The following GARS1 variants were observed in gnomAD, a reference collection of about 807,000 sequenced individuals.
The protein encoded by GARS1 is glycyl-tRNA synthetase 1, also known as glycine--tRNA ligase.
Under a neutral mutation model 86.4 loss-of-function variants are expected in GARS1, and 46 were observed. The ratio of observed to expected loss-of-function variants is 0.53; its 90% CI spans 0.42 to 0.68. The LOEUF (loss-of-function observed/expected upper bound fraction) is 0.68. GARS1 is among the 30% of genes least tolerant of loss of function. The probability of loss-of-function intolerance (pLI) is 0.00; values close to 1 mark genes in which losing one functional copy is unlikely to be tolerated. For synonymous variants in GARS1, 342 were observed against 329.8 expected (o/e 1.04, Z -0.40); for missense variants, 797 against 915.6 (o/e 0.87, Z 1.67).
At chr7:30,615,292 A>G (rs1000850246) in intron 8 of GARS1, among the ~76,000 whole-genome samples, 2 of 152,232 alleles carry the variant, frequency 1.3e-5, no homozygotes, top group Admixed American at 6.5e-5. Context: ...TCAAACTGCT[A>G]TGAAAGCTAA....
chr7:30,594,978 G>A lies in GARS1; in HGVS notation c.57G>A (p.Leu19=). The A allele has an allele frequency of 6.3e-7, 1 of 1,595,084 alleles. No individual in the cohort carries two copies. Among genetic ancestry groups the A allele is most frequent in the South Asian group, 1.1e-5 (1 of 90,142 alleles). The change falls in exon 1 of 17, where the codon CTG becomes CTA. Residue 19 remains leucine, a synonymous_variant. Transcript: ENST00000389266. ...LRGARAALLL[L]LPPRLLARPS... Reference sequence around the variant, plus strand: ...GTGCTCGCGCCGCTCTGCTGCTGCTGCTGCCGCCCCGGCTCTTAGCCCGAC... The same window carrying A: ...GTGCTCGCGCCGCTCTGCTGCTGCTACTGCCGCCCCGGCTCTTAGCCCGAC...
At chr7:30,619,902 C>T (rs1256745153) in intron 10 of GARS1, among the ~76,000 whole-genome samples, 1 of 151,576 alleles carries the variant, frequency 6.6e-6, no homozygotes, top group Admixed American at 6.6e-5. Context: ...CTCGGCCTCC[C>T]AAATAGCTGG....
At chr7:30,615,820 A>T in intron 8 of GARS1, 76 bp from the exon 9 acceptor site, 1 of 1,493,994 alleles carries the variant, frequency 6.7e-7, no homozygotes, top group Non-Finnish European at 9.3e-7. Flanking sequence ...GCAGTTGAAA[A>T]TAGAGGCCTT....
chr7:30,599,879 T>C, intron 2 of GARS1, 68 bp from the exon 3 acceptor site: 1 of 999,838 alleles, frequency 1.0e-6, no homozygotes, highest in Non-Finnish European at 1.6e-6. Flanking sequence ...ATAAACTAAA[T>C]TCAGATATAT....
intron 9 of GARS1, 73 bp from the exon 10 acceptor site, chr7:30,617,041 G>T: frequency 6.8e-7 from 1 of 1,480,784 alleles, no homozygotes; most frequent in Non-Finnish European, 9.4e-7. Flanking sequence ...AATGGAAACC[G>T]ATATCTTGGC....
chr7:30,625,259 T>C (rs1783104426), intron 12 of GARS1, among the ~76,000 whole-genome samples: 1 of 152,192 alleles, frequency 6.6e-6, no homozygotes, highest in Non-Finnish European at 1.5e-5. Flanking sequence ...GCAACTCTTT[T>C]ATAGCTGTTA....
At position 30,613,993 on chromosome 7, in the gene GARS1, G is replaced by A. The variant is rs569222759; in HGVS notation, c.1031+1748G>A. ...TTTGATTGACTTATCTGTCTTCCTA[G>A]CCTGTGTGTATTTTAGTTCTCTACA... On this transcript the variant is annotated intron_variant, in intron 8 of 16. Coordinates refer to ENST00000389266, the MANE Select transcript of GARS1 (RefSeq NM_002047.4). 8.5e-5 allele frequency among the ~76,000 whole-genome samples: 13 copies of A among 152,158 alleles called. No individual in the cohort carries two copies. In the South Asian group the frequency reaches 2.7e-3, roughly 32 times the overall value.
chr7:30,602,656 A>T (rs1422062015), intron 4 of GARS1, among the ~76,000 whole-genome samples: 1 of 152,250 alleles, frequency 6.6e-6, no homozygotes, highest in Non-Finnish European at 1.5e-5. Flanking sequence ...CTGAGCTGCC[A>T]TGAATTCTTA....
At chr7:30,614,250 G>A (rs1782839163) in intron 8 of GARS1, 1 of 151,078 alleles carries the variant, frequency 6.6e-6, no homozygotes, top group African/African-American at 2.4e-5. Context: ...TTAGTGGTGA[G>A]ATCTACTTAA....
chr7:30,626,392 T>A, intron 13 of GARS1, 73 bp downstream of exon 13: 1 of 943,958 alleles, frequency 1.1e-6, no homozygotes, highest in Non-Finnish European at 1.7e-6. Context: ...GACAGGGTCT[T>A]GCTCTGTCAC....
In GARS1 at chr7:30,611,769, C is replaced by T. The variant is rs113524753; in HGVS notation, c.882-327C>T. Among the ~76,000 whole-genome samples, 1,055 of 152,264 alleles carry T rather than the reference C, an allele frequency of 6.9e-3. 8 individuals are homozygous for T. Among genetic ancestry groups the T allele is most frequent in the Middle Eastern group, 0.014 (4 of 292 alleles). ...AAAGTGCTGGGATTACAGGTGTGAG[C>T]GACTGCGCGCGGCCTGAGGTGGTGT... is the stretch of plus-strand genomic sequence containing the variant. On this transcript the variant is annotated intron_variant, in intron 7 of 16. Transcript: ENST00000389266.
At chr7:30,611,005 AG>A in intron 7 of GARS1, among the ~76,000 whole-genome samples, 1 of 152,332 alleles carries the variant, frequency 6.6e-6, no homozygotes, top group Non-Finnish European at 1.5e-5. Flanking sequence ...AAGTAAGAAG[AG>A]GGTACAATTT....
At chr7:30,628,696 T>TA in intron 14 of GARS1, 27 bp downstream of exon 14, 1 of 1,481,650 alleles carries the variant, frequency 6.7e-7, no homozygotes, top group Non-Finnish European at 9.4e-7. Flanking sequence ...AGTGTGCTGT[T>TA]ATAGTGTCAG....
chr7:30,626,702 G>A (rs1198160547), intron 13 of GARS1, among the ~76,000 whole-genome samples: 1 of 152,230 alleles, frequency 6.6e-6, no homozygotes, highest in African/African-American at 2.4e-5. Context: ...TCATTTAGGG[G>A]CCGGGCGTGG....
intron 1 of GARS1, among the ~76,000 whole-genome samples, chr7:30,597,027 A>G (rs1791264264): frequency 6.6e-6 from 1 of 152,238 alleles, no homozygotes; most frequent in Non-Finnish European, 1.5e-5. Flanking sequence ...TAAGAAAACA[A>G]CGGTTAGTAT....
intron 3 of GARS1, among the ~76,000 whole-genome samples, chr7:30,600,342 G>C (rs534051157): frequency 6.6e-6 from 1 of 152,280 alleles, no homozygotes; most frequent in East Asian, 1.9e-4. Flanking sequence ...AAAATGCAAT[G>C]GAGACTGAAG....
At position 30,595,761 on chromosome 7, in the gene GARS1, TTTC is replaced by T. The variant is rs1395771474; in HGVS notation, c.222+620_222+622del. ...TGTGGATGTGGGGAGGTGTCGAACT[TTTC>T]TATTAATGCTGTGAACTCATCATCC... On this transcript the variant is annotated intron_variant, in intron 1 of 16. Coordinates refer to ENST00000389266, the MANE Select transcript of GARS1 (RefSeq NM_002047.4). The T allele has an allele frequency of 5.5e-5, 26 of 470,972 alleles. 1 individual carries two copies. Among genetic ancestry groups the T allele is most frequent in the South Asian group, 3.9e-4 (25 of 64,550 alleles). 29.2% of individuals were successfully genotyped at this position (470,972 alleles called of 1,614,324 possible). A position where few individuals can be genotyped will look rare whatever the true frequency, so the allele number is the denominator to read the frequency against.
intron 6 of GARS1, among the ~76,000 whole-genome samples, chr7:30,606,447 T>C (rs1791487738): frequency 6.6e-6 from 1 of 152,168 alleles, no homozygotes; most frequent in African/African-American, 2.4e-5. Flanking sequence ...TTTTTAAACC[T>C]GTTTTCCATT....
chr7:30,601,893 C>T (rs970216460), intron 4 of GARS1, among the ~76,000 whole-genome samples: 3 of 151,894 alleles, frequency 2.0e-5, no homozygotes, highest in Non-Finnish European at 4.4e-5. Context: ...ATTCTCCTGC[C>T]TCAGCCTCCC....
Sources: gnomAD v4.1 joint callset for allele counts (sites outside exome capture counted in the v4.1 genomes callset) on GRCh38, gnomAD v4.1.1 for gene constraint, MANE v1.5 for transcripts, NCBI Gene and HGNC (gene_info 2026-07-23, HGNC 2026-07-21) for gene names.